PHC2: variants seen among roughly 807,000 people sequenced by gnomAD.
The protein encoded by PHC2 is polyhomeotic-like protein 2.
PHC2 carries 29 observed loss-of-function variants against 87.4 expected under a neutral mutation model. The observed-to-expected ratio is 0.33, with a 90% confidence interval of 0.25 to 0.45. The LOEUF (loss-of-function observed/expected upper bound fraction) is 0.45, where lower values mean the gene tolerates loss of function less well. PHC2 is among the 20% of genes least tolerant of loss of function. PHC2 has a pLI of 1.00. For missense variants in PHC2, 857 were observed against 1,136.7 expected, an observed-to-expected ratio of 0.75 and a Z score of 3.54; for synonymous variants, 438 against 461.7, an observed-to-expected ratio of 0.95 and a Z score of 0.66.
At chr1:33,430,675 G>A (rs908052551) in intron 1 of PHC2, among the ~76,000 whole-genome samples, 14 of 151,894 alleles carry the variant, frequency 9.2e-5, no homozygotes, top group African/African-American at 3.1e-4. Flanking sequence ...CAGGCTCTCC[G>A]CAGCCCTCCT....
chr1:33,371,463 C>T (rs546418755), intron 3 of PHC2, among the ~76,000 whole-genome samples: 9 of 151,914 alleles, frequency 5.9e-5, no homozygotes, highest in Non-Finnish European at 8.8e-5. Flanking sequence ...CCATCACACC[C>T]AGCCACCACC....
chr1:33,359,896 G>A (rs1283523174), intron 7 of PHC2, among the ~76,000 whole-genome samples: 2 of 152,302 alleles, frequency 1.3e-5, no homozygotes, highest in East Asian at 3.9e-4. Context: ...AGAGAGAGGA[G>A]TCAGAAAGGA....
chr1:33,370,674 G>A, intron 4 of PHC2, 89 bp from the exon 5 acceptor site: 1 of 1,319,856 alleles, frequency 7.6e-7, no homozygotes, highest in Admixed American at 2.2e-5. Context: ...CCCCTCTTTT[G>A]CTCCTTGGTT....
rs1223583688 is a variant in PHC2, at chr1:33,369,447, C to G, written c.577-825G>C. Among the ~76,000 whole-genome samples the G allele has an allele frequency of 6.6e-6, 1 of 152,198 alleles. No homozygotes were observed. Among genetic ancestry groups the G allele is most frequent in the Non-Finnish European group, 1.5e-5 (1 of 68,030 alleles). On this transcript the variant is annotated intron_variant, in intron 5 of 14. Transcript: ENST00000683057. The surrounding 1 kb of genome is among the most constrained non-coding windows in gnomAD (Gnocchi z 4.7). ...GGAGTAGGACATAGGGACAAGCAAC[C>G]TGCAGACACAGTCAGCTTTGGGCAG...
Position 33,387,762 on chromosome 1 carries a change from C to T in PHC2, c.-54-12169G>A, listed in dbSNP as rs187193050. 2.2e-4 allele frequency among the ~76,000 whole-genome samples: 34 copies of T among 152,346 alleles called. 1 individual carries two copies. The highest frequency in any genetic ancestry group is 6.5e-4 in the African/African-American group (27 of 41,580). ...GAGGCAGAATTACTTGTGCTTATTC[C>T]GATCCAGGCCTCTCTGGGCCAGTCA... is the stretch of plus-strand genomic sequence containing the variant. On this transcript the variant is annotated intron_variant, in intron 1 of 14. Coordinates refer to ENST00000683057, the MANE Select transcript of PHC2 (RefSeq NM_001385109.1).
rs548947501 is a variant in PHC2 at position 33,361,246 on chromosome 1, T to C, written c.976+5870A>G. ...CTTTAAGGTCCCCCATGAAGTCAGA[T>C]AGTCAGAAGTCATTAACATGATATT... On this transcript the variant is annotated intron_variant, in intron 7 of 14. Coordinates refer to ENST00000683057, the MANE Select transcript of PHC2 (RefSeq NM_001385109.1). Among the ~76,000 whole-genome samples the C allele has an allele frequency of 5.9e-5, 9 of 152,332 alleles. No individual in the cohort carries two copies. The East Asian group carries it at 7.7e-4, about 13-fold the overall frequency.
At chr1:33,367,470 G>T in intron 6 of PHC2, 42 bp from the exon 7 acceptor site, 1 of 1,434,376 alleles carries the variant, frequency 7.0e-7, no homozygotes. Context: ...AATGTGGCAG[G>T]AGCAATGCCA....
chr1:33,331,350 C>G lies in PHC2; in HGVS notation c.2004G>C (p.Lys668Asn). Reference protein sequence around the residue: ...SKRFCSMACAKRYNVGCTKRV... With the variant: ...SKRFCSMACANRYNVGCTKRV... ...TGGAGGGGGCTGGGGCCACTCACCT[C>G]TTTGCACAAGCCATGGAACAGAAGC... The change falls in exon 12 of 15, where the codon AAG (lysine) becomes AAC (asparagine). Residue 668 changes from lysine to asparagine, a missense_variant and splice_region_variant. Transcript: ENST00000683057. The surrounding 1 kb of genome is among the most constrained non-coding windows in gnomAD (Gnocchi z 5.2). 6.3e-7 allele frequency: 1 copy of G among 1,578,780 alleles called. No homozygotes were observed. The highest frequency in any genetic ancestry group is 2.2e-5 in the East Asian group (1 of 44,614).
At position 33,327,997 on chromosome 1, in the gene PHC2, C is replaced by T. The variant is rs575928004; in HGVS notation, c.2425+873G>A. ...TAACATACTAGGTTAAGTGACAGAG[C>T]CAGAATTTGAACCCAGTTCTGTGTG... On this transcript the variant is annotated intron_variant, in intron 14 of 14. Coordinates refer to ENST00000683057, the MANE Select transcript of PHC2 (RefSeq NM_001385109.1). 2.0e-5 allele frequency among the ~76,000 whole-genome samples: 3 copies of T among 152,306 alleles called. No individual in the cohort carries two copies. In the East Asian group the frequency reaches 5.8e-4, roughly 29 times the overall value.
intron 1 of PHC2, among the ~76,000 whole-genome samples, chr1:33,386,778 C>T (rs1248503976): frequency 6.6e-6 from 1 of 152,120 alleles, no homozygotes; most frequent in Admixed American, 6.6e-5. Flanking sequence ...ACACAGCACA[C>T]AGTGCGCACA....
chr1:33,395,097 T>G (rs1272550585), intron 1 of PHC2, among the ~76,000 whole-genome samples: 1 of 152,192 alleles, frequency 6.6e-6, no homozygotes, highest in African/African-American at 2.4e-5. Flanking sequence ...ATCCACACAA[T>G]GGAATGCTAT....
At chr1:33,347,819 G>T in intron 9 of PHC2, 1 of 793,324 alleles carries the variant, frequency 1.3e-6, no homozygotes, top group Non-Finnish European at 1.5e-6. Context: ...CTCCCCATCT[G>T]CCCGACCTTC....
chr1:33,410,137 C>G (rs115118103), intron 1 of PHC2, among the ~76,000 whole-genome samples: 57 of 152,286 alleles, frequency 3.7e-4, no homozygotes, highest in African/African-American at 1.3e-3. Flanking sequence ...CTGGAATGAG[C>G]TGGAATTTCC....
At chr1:33,416,754 G>A (rs1267882305) in intron 1 of PHC2, among the ~76,000 whole-genome samples, 1 of 151,916 alleles carries the variant, frequency 6.6e-6, no homozygotes, top group East Asian at 1.9e-4. Context: ...GACAAACACT[G>A]AAATAAATAA....
At chr1:33,392,148 G>A (rs1649085876) in intron 1 of PHC2, among the ~76,000 whole-genome samples, 1 of 146,392 alleles carries the variant, frequency 6.8e-6, no homozygotes, top group Non-Finnish European at 1.5e-5. Flanking sequence ...AGGTGCTTCA[G>A]CTGTGTGCAC....
intron 1 of PHC2, among the ~76,000 whole-genome samples, chr1:33,419,262 T>A (rs1230575377): frequency 6.6e-6 from 1 of 152,224 alleles, no homozygotes; most frequent in Non-Finnish European, 1.5e-5. Flanking sequence ...AGCTAAGCAG[T>A]ATGATAAGTG....
At chr1:33,412,207 C>T (rs6663355) in intron 1 of PHC2, among the ~76,000 whole-genome samples, 73,154 of 151,994 alleles carry the variant, frequency 0.48, 18,970 homozygotes, top group South Asian at 0.62. Context: ...AAAAAATCTG[C>T]TAGAACTAAA....
At chr1:33,344,742 C>G (rs1326917359) in intron 9 of PHC2, among the ~76,000 whole-genome samples, 1 of 152,084 alleles carries the variant, frequency 6.6e-6, no homozygotes, top group Non-Finnish European at 1.5e-5. Flanking sequence ...CAACTGAGAC[C>G]ACAGGCGTGT....
chr1:33,327,205 A>G (rs1646390338), intron 14 of PHC2, among the ~76,000 whole-genome samples: 1 of 152,064 alleles, frequency 6.6e-6, no homozygotes, highest in African/African-American at 2.4e-5. Flanking sequence ...TTGGATGGGC[A>G]TGTCTGTAAT....
Sources: allele counts gnomAD v4.1 joint callset (sites outside exome capture counted in the v4.1 genomes callset), GRCh38; gene constraint gnomAD v4.1.1; non-coding constraint Gnocchi (gnomAD v3.1); transcripts MANE v1.5; gene names NCBI Gene and HGNC (gene_info 2026-07-23, HGNC 2026-07-21).